ZC3H14: variants seen among roughly 807,000 people sequenced by gnomAD.
ZC3H14 encodes zinc finger CCCH domain-containing protein 14.
ZC3H14 carries 31 observed loss-of-function variants against 92.4 expected under a neutral mutation model. The ratio of observed to expected loss-of-function variants is 0.34; its 90% confidence interval spans 0.25 to 0.45. The LOEUF is 0.45. Among genes scored for constraint, ZC3H14 ranks in the 20% least tolerant of loss-of-function variants. ZC3H14 has a pLI of 1.00. For synonymous variants in ZC3H14, 321 were observed against 300.9 expected, an observed-to-expected ratio of 1.07 and a Z score of -0.69; for missense variants, 781 against 897.3, an observed-to-expected ratio of 0.87 and a Z score of 1.66.
intron 15 of ZC3H14, 51 bp from the exon 16 acceptor site, chr14:88,610,783 T>A (rs1180064781): frequency 1.3e-6 from 2 of 1,539,688 alleles, no homozygotes; most frequent in Middle Eastern, 3.4e-4. Flanking sequence ...ATAATGTGTT[T>A]ACTTATATTA....
At position 88,618,819 on chromosome 14, in the gene ZC3H14, C is replaced by A. The variant is rs1271037410; in HGVS notation, c.*7068C>A. 7 of 1,564,794 alleles carry A rather than the reference C, an allele frequency of 4.5e-6. No individual in the cohort carries two copies. The highest frequency in any genetic ancestry group is 4.3e-6 in the Non-Finnish European group (5 of 1,154,676). Reference sequence around the variant, plus strand: ...CCGGGAATCCGGACTAAATCTGAATCAAAACAAAACGTAAAAAGTATTAGA... The same window carrying A: ...CCGGGAATCCGGACTAAATCTGAATAAAAACAAAACGTAAAAAGTATTAGA... On this transcript the variant is annotated 3_prime_UTR_variant, in exon 17 of 17. Coordinates refer to ENST00000251038, the MANE Select transcript of ZC3H14 (RefSeq NM_024824.5).
At chr14:88,576,528 C>T (rs558222027) in intron 8 of ZC3H14, among the ~76,000 whole-genome samples, 1 of 152,188 alleles carries the variant, frequency 6.6e-6, no homozygotes, top group Non-Finnish European at 1.5e-5. Context: ...GTAAGCTGGT[C>T]TTACGGAAAG....
rs771865515 is a variant in ZC3H14 at position 88,571,148 on chromosome 14, T to TA, written c.235+26dup. ...TGGTAAGATTCATAACTTTTTTTTTTAATTTCTGCTTGCTATGGCATATGA... is the reference window on the plus strand; with the variant it reads ...TGGTAAGATTCATAACTTTTTTTTTTAAATTTCTGCTTGCTATGGCATATGA... On this transcript the variant is annotated intron_variant, in intron 4 of 16. Coordinates refer to ENST00000251038, the MANE Select transcript of ZC3H14 (RefSeq NM_024824.5). The TA allele has an allele frequency of 7.0e-6, 11 of 1,563,638 alleles. 1 individual carries two copies. Among genetic ancestry groups the TA allele is most frequent in the Middle Eastern group, 1.7e-4 (1 of 5,854 alleles).
chr14:88,575,503 G>A (rs1486336148), intron 7 of ZC3H14, among the ~76,000 whole-genome samples: 1 of 152,036 alleles, frequency 6.6e-6, no homozygotes, highest in East Asian at 1.9e-4. Flanking sequence ...GACCAGCCTG[G>A]GCGATGTAAT....
chr14:88,611,602 A>G lies in ZC3H14; in HGVS notation c.2205-143A>G, dbSNP rs374654947. 5.8e-5 allele frequency: 52 copies of G among 889,432 alleles called. 1 individual carries two copies. The African/African-American group carries it at 8.2e-4, about 14-fold the overall frequency. 55.1% of individuals were successfully genotyped at this position (889,432 alleles called of 1,614,324 possible). A position where few individuals can be genotyped will look rare whatever the true frequency, so the allele number is the denominator to read the frequency against. The stretch of plus-strand genomic sequence containing the variant: ...TTTATCTACCTGACATAATTGAATT[A>G]TTTTTAAAAATCTGCCATTTATATT... On this transcript the variant is annotated intron_variant, in intron 16 of 16. Transcript: ENST00000251038.
At chr14:88,585,584 C>T (rs1273632651) in intron 9 of ZC3H14, among the ~76,000 whole-genome samples, 4 of 152,006 alleles carry the variant, frequency 2.6e-5, no homozygotes, top group African/African-American at 9.7e-5. Flanking sequence ...ACCATATTGG[C>T]CAGGATGGTC....
Position 88,619,586 on chromosome 14 carries a change from G to A in ZC3H14, c.*7835G>A, listed in dbSNP as rs1374950911. The A allele has an allele frequency of 6.6e-6, 1 of 152,098 alleles. No homozygotes were observed. The highest frequency in any genetic ancestry group is 2.4e-5 in the African/African-American group (1 of 41,432). 9.4% of individuals were successfully genotyped at this position (152,098 alleles called of 1,614,324 possible). A position where few individuals can be genotyped will look rare whatever the true frequency, so the allele number is the denominator to read the frequency against. ...CATTAAGATAGTTTTCTTCCATCTGGAAAAAACGTTGTCTTAATATTAAGC... is the reference window on the plus strand; with the variant it reads ...CATTAAGATAGTTTTCTTCCATCTGAAAAAAACGTTGTCTTAATATTAAGC... On this transcript the variant is annotated 3_prime_UTR_variant, in exon 17 of 17. Transcript: ENST00000251038.
At chr14:88,564,079 G>C (rs536470843) in intron 2 of ZC3H14, among the ~76,000 whole-genome samples, 1 of 152,082 alleles carries the variant, frequency 6.6e-6, no homozygotes. Context: ...CTGGGAGTGC[G>C]GGGATTACTG....
intron 9 of ZC3H14, among the ~76,000 whole-genome samples, chr14:88,587,540 C>T (rs553632015): frequency 6.6e-6 from 1 of 152,252 alleles, no homozygotes; most frequent in Non-Finnish European, 1.5e-5. Flanking sequence ...AAATTGTCAC[C>T]TGTTCTTTTA....
At chr14:88,577,418 T>C (rs2081310093) in intron 8 of ZC3H14, among the ~76,000 whole-genome samples, 1 of 152,182 alleles carries the variant, frequency 6.6e-6, no homozygotes, top group Non-Finnish European at 1.5e-5. Flanking sequence ...AATGAATACA[T>C]ATGTACTATA....
At chr14:88,567,421 CT>C (rs75032234) in intron 2 of ZC3H14, among the ~76,000 whole-genome samples, 9,499 of 128,582 alleles carry the variant, frequency 0.074, 335 homozygotes, top group Middle Eastern at 0.12. Flanking sequence ...GGCCTTTTTT[CT>C]TTTTTTTTTT....
chr14:88,606,747 T>TA (rs34408574), intron 12 of ZC3H14, among the ~76,000 whole-genome samples: 58,105 of 95,576 alleles, frequency 0.61, 18,446 homozygotes, highest in Non-Finnish European at 0.72. Flanking sequence ...GACCCTGTCG[T>TA]AAAAAAAAAA....
intron 2 of ZC3H14, among the ~76,000 whole-genome samples, chr14:88,564,081 G>A (rs1023126058): frequency 6.6e-6 from 1 of 152,086 alleles, no homozygotes; most frequent in African/African-American, 2.4e-5. Context: ...GGGAGTGCGG[G>A]GATTACTGGT....
At chr14:88,573,188 G>A (rs61984713) in intron 6 of ZC3H14, among the ~76,000 whole-genome samples, 181 bp downstream of exon 6, 35,670 of 151,736 alleles carry the variant, frequency 0.24, 4,657 homozygotes, top group East Asian at 0.52. Context: ...AGACCATCCT[G>A]GCTAACACGG....
chr14:88,603,850 A>AT (rs1428167860), intron 12 of ZC3H14, among the ~76,000 whole-genome samples: 2 of 152,216 alleles, frequency 1.3e-5, no homozygotes, highest in Admixed American at 1.3e-4. Context: ...AATGTATTGA[A>AT]TACCTTTCTC....
At chr14:88,576,752 C>T (rs1455475403) in intron 8 of ZC3H14, among the ~76,000 whole-genome samples, 1 of 152,092 alleles carries the variant, frequency 6.6e-6, no homozygotes, top group Admixed American at 6.6e-5. Context: ...TTGTGACCCC[C>T]CTTCCTAAAA....
intron 15 of ZC3H14, among the ~76,000 whole-genome samples, chr14:88,610,100 G>T (rs954366161): frequency 3.3e-5 from 5 of 152,124 alleles, no homozygotes; most frequent in African/African-American, 9.7e-5. Flanking sequence ...GGGCTGGGGG[G>T]CAGTTTGAAC....
At chr14:88,577,485 G>T (rs1489577317) in intron 8 of ZC3H14, among the ~76,000 whole-genome samples, 4 of 152,184 alleles carry the variant, frequency 2.6e-5, no homozygotes, top group African/African-American at 9.6e-5. Flanking sequence ...GGATAAATAG[G>T]TTCAGGTATC....
chr14:88,584,800 G>GGTGGACATAAT (rs1161007711), intron 9 of ZC3H14, among the ~76,000 whole-genome samples: 2 of 152,130 alleles, frequency 1.3e-5, no homozygotes, highest in African/African-American at 2.4e-5. Flanking sequence ...ATGTGCTACT[G>GGTGGACATAAT]GTGATGCTGG....
Sources: gnomAD v4.1 joint callset for allele counts (sites outside exome capture counted in the v4.1 genomes callset) on GRCh38, gnomAD v4.1.1 for gene constraint, MANE v1.5 for transcripts, NCBI Gene and HGNC (gene_info 2026-07-23, HGNC 2026-07-21) for gene names.